The following KAZN variants were observed in gnomAD, a reference collection of about 807,000 sequenced individuals.
KAZN encodes the protein kazrin, periplakin interacting protein.
Under a neutral mutation model 87.4 loss-of-function variants are expected in KAZN, and 40 were observed. The observed-to-expected ratio is 0.46, with a 90% CI of 0.36 to 0.60. The LOEUF is 0.60. Ranked by LOEUF, KAZN falls within the 20% of genes least tolerant of loss-of-function variation. The pLI is 0.00. For synonymous variants in KAZN, 466 were observed against 458.3 expected (o/e 1.02, Z -0.22); for missense variants, 898 against 1,073.9 (o/e 0.84, Z 2.29).
chr1:14,140,421 G>T (rs910006436), intron 1 of KAZN, among the ~76,000 whole-genome samples: 1 of 151,948 alleles, frequency 6.6e-6, no homozygotes, highest in African/African-American at 2.4e-5. Flanking sequence ...TGAAGATCTC[G>T]ATAATTATAA....
intron 2 of KAZN, among the ~76,000 whole-genome samples, chr1:14,330,481 C>T (rs1656765763): frequency 6.6e-6 from 1 of 152,128 alleles, no homozygotes; most frequent in African/African-American, 2.4e-5. Context: ...CACACTCTCT[C>T]CCATTAATCC....
chr1:14,428,482 T>C (rs150111972), intron 2 of KAZN, among the ~76,000 whole-genome samples: 1 of 152,364 alleles, frequency 6.6e-6, no homozygotes, highest in East Asian at 1.9e-4. Flanking sequence ...TAATTCATTA[T>C]ACTGAGCTCA....
At chr1:14,898,455 G>A (rs931057570) in intron 1 of KAZN, among the ~76,000 whole-genome samples, 47 of 152,204 alleles carry the variant, frequency 3.1e-4, no homozygotes, top group Non-Finnish European at 5.1e-4. Context: ...AGCATCTGGT[G>A]TCTACGTCTG....
chr1:14,829,244 G>T (rs907902614), intron 1 of KAZN, among the ~76,000 whole-genome samples: 6 of 152,192 alleles, frequency 3.9e-5, no homozygotes, highest in Non-Finnish European at 8.8e-5. Context: ...ATGACTTTAT[G>T]GTTCCTTGTT....
At chr1:14,508,362 C>T (rs1670718264) in intron 2 of KAZN, among the ~76,000 whole-genome samples, 1 of 152,142 alleles carries the variant, frequency 6.6e-6, no homozygotes, top group Non-Finnish European at 1.5e-5. Context: ...GACTTCATGA[C>T]TTAGAAGGAT....
At chr1:14,454,418 T>C (rs1043293744) in intron 2 of KAZN, among the ~76,000 whole-genome samples, 2 of 152,248 alleles carry the variant, frequency 1.3e-5, no homozygotes, top group Non-Finnish European at 1.5e-5. Flanking sequence ...AAGTTTTCTC[T>C]CCTCAATTAG....
chr1:14,206,493 C>G (rs556173100), intron 2 of KAZN, among the ~76,000 whole-genome samples: 3 of 152,232 alleles, frequency 2.0e-5, no homozygotes, highest in African/African-American at 7.2e-5. Context: ...TAGCCTCCCT[C>G]TCTCTGAATG....
At chr1:14,758,041 A>G (rs1173820320) in intron 1 of KAZN, among the ~76,000 whole-genome samples, 1 of 152,192 alleles carries the variant, frequency 6.6e-6, no homozygotes, top group African/African-American at 2.4e-5. Flanking sequence ...CACAGCCACA[A>G]CACAGGTAGA....
At chr1:14,113,957 T>C (rs58376093) in intron 1 of KAZN, among the ~76,000 whole-genome samples, 41,401 of 152,054 alleles carry the variant, frequency 0.27, 6,046 homozygotes, top group East Asian at 0.57. Context: ...CCCCCTTGTT[T>C]GGGTAGGAAG....
At chr1:14,139,702 C>T (rs1645190079) in intron 1 of KAZN, among the ~76,000 whole-genome samples, 1 of 152,184 alleles carries the variant, frequency 6.6e-6, no homozygotes, top group Non-Finnish European at 1.5e-5. Flanking sequence ...CCCAGCAGGG[C>T]ATGGGCTGCA....
At chr1:14,752,638 C>T (rs1644444746) in intron 1 of KAZN, among the ~76,000 whole-genome samples, 1 of 152,074 alleles carries the variant, frequency 6.6e-6, no homozygotes, top group Non-Finnish European at 1.5e-5. Context: ...ATAAGGGTAC[C>T]AATCCCATTC....
chr1:15,094,870 C>G lies in KAZN; in HGVS notation c.1484C>G (p.Ser495Cys). 1.9e-6 allele frequency: 3 copies of G among 1,550,694 alleles called. No homozygotes were observed. In the South Asian group the frequency reaches 3.6e-5, roughly 18 times the overall value. ...DLQLGLGVCS[S>C]LHRRKLRLAI... ...CAGCTGGGCCTTGGGGTGTGCAGCTCCCTGCACCGGCGCAAGCTGCGCCTG... is the reference window on the plus strand; with the variant it reads ...CAGCTGGGCCTTGGGGTGTGCAGCTGCCTGCACCGGCGCAAGCTGCGCCTG... The change falls in exon 10 of 15, where the codon TCC (serine) becomes TGC (cysteine). Residue 495 changes from serine to cysteine, a missense_variant. Around this residue, in one of 3 missense-constraint regions of KAZN, gnomAD observed 521 missense variants for 689.4 expected, o/e 0.76. Transcript: ENST00000376030. The surrounding 1 kb of genome is among the most constrained non-coding windows in gnomAD (Gnocchi z 4.5).
intron 1 of KAZN, among the ~76,000 whole-genome samples, chr1:13,997,442 T>C (rs1401105258): frequency 1.3e-5 from 2 of 151,992 alleles, no homozygotes; most frequent in African/African-American, 2.4e-5. Context: ...GGGCATATTC[T>C]AACCTGATGC....
chr1:14,474,789 C>T (rs929483374), intron 2 of KAZN, among the ~76,000 whole-genome samples: 22 of 151,980 alleles, frequency 1.4e-4, no homozygotes, highest in African/African-American at 4.8e-4. Context: ...ATGGTGGGTT[C>T]GTCTAGGTTT....
intron 1 of KAZN, among the ~76,000 whole-genome samples, chr1:14,696,804 G>A (rs2148795777): frequency 6.6e-6 from 1 of 152,306 alleles, no homozygotes; most frequent in South Asian, 2.1e-4. Flanking sequence ...CACACCTTGA[G>A]AACCACTGGT....
At chr1:14,290,702 G>A (rs554602743) in intron 2 of KAZN, among the ~76,000 whole-genome samples, 82 of 152,210 alleles carry the variant, frequency 5.4e-4, no homozygotes, top group African/African-American at 1.8e-3. Flanking sequence ...GTCATTCTCC[G>A]TCCAGCTTTG....
chr1:14,871,022 C>T (rs1043385142), intron 1 of KAZN, among the ~76,000 whole-genome samples: 3 of 152,220 alleles, frequency 2.0e-5, no homozygotes, highest in Non-Finnish European at 4.4e-5. Context: ...TCCATGGTCT[C>T]AGCTCACCTG....
chr1:14,635,785 C>T (rs1557853893), intron 1 of KAZN, among the ~76,000 whole-genome samples: 1 of 152,166 alleles, frequency 6.6e-6, no homozygotes, highest in Non-Finnish European at 1.5e-5. Context: ...TGCTGATATC[C>T]AGTGGGTGGA....
At chr1:14,350,110 G>C (rs4661483) in intron 2 of KAZN, among the ~76,000 whole-genome samples, 120,844 of 145,956 alleles carry the variant, frequency 0.83, 50,371 homozygotes, top group Middle Eastern at 0.89. Context: ...CTCCAGCCTG[G>C]GCAACAGAGC....
Sources: allele counts gnomAD v4.1 joint callset (sites outside exome capture counted in the v4.1 genomes callset), GRCh38; gene constraint gnomAD v4.1.1; regional missense constraint gnomAD v4.1.1; non-coding constraint Gnocchi (gnomAD v3.1); transcripts MANE v1.5; gene names NCBI Gene and HGNC (gene_info 2026-07-23, HGNC 2026-07-21).